Variants in CLIC5 observed in about 807,000 individuals in gnomAD.
CLIC5 encodes CLIC family member 5.
A neutral mutation model predicts 24.7 loss-of-function variants in CLIC5; 20 were observed. The ratio of observed to expected loss-of-function variants is 0.81; its 90% CI spans 0.57 to 1.18. The LOEUF is 1.18. CLIC5 is among the 50% of genes most tolerant of loss of function. CLIC5 has a pLI of 0.00. For synonymous variants in CLIC5, 159 were observed against 135.6 expected, an observed-to-expected ratio of 1.17 and a Z score of -1.20; for missense variants, 341 against 326.1, an observed-to-expected ratio of 1.05 and a Z score of -0.35.
Position 46,033,049 on chromosome 6 carries a change from C to T in CLIC5, c.540+46654G>A, listed in dbSNP as rs368764795. 1.7e-3 allele frequency among the ~76,000 whole-genome samples: 219 copies of T among 131,392 alleles called. 2 individuals carry two copies. The highest frequency in any genetic ancestry group is 5.9e-3 in the African/African-American group (201 of 33,850). The allele number at this position is 131,392 out of a possible 152,430, so 86.2% of individuals were successfully genotyped here. A position where few individuals can be genotyped will look rare whatever the true frequency, so the allele number is the denominator to read the frequency against. ...TGCCACCCAGGCTGGAGTGCAGTGG[C>T]GTGATCTTAGCTCACTGCAAACTCC... is the stretch of plus-strand genomic sequence containing the variant. On this transcript the variant is annotated intron_variant, in intron 1 of 5. Transcript: ENST00000185206.
chr6:45,881,757 T>C (rs921504118), intron 6 of CLIC5, among the ~76,000 whole-genome samples: 2 of 152,114 alleles, frequency 1.3e-5, no homozygotes, highest in Non-Finnish European at 2.9e-5. Flanking sequence ...CCAGAAGACT[T>C]TGGTGCCCTT....
At chr6:46,017,772 A>G (rs1342458222), upstream of CLIC5, among the ~76,000 whole-genome samples, 1 of 152,246 alleles carries the variant, frequency 6.6e-6, no homozygotes, top group Non-Finnish European at 1.5e-5. Flanking sequence ...TTCATGGAGC[A>G]AAAGGCACTT....
At chr6:45,998,275 G>A (rs1027840771) in intron 1 of CLIC5, among the ~76,000 whole-genome samples, 2 of 152,212 alleles carry the variant, frequency 1.3e-5, no homozygotes, top group African/African-American at 4.8e-5. Context: ...TCATAGGCAG[G>A]TGGCTATGTC....
intron 6 of CLIC5, chr6:45,892,050 T>C (rs1369514254): frequency 6.6e-6 from 1 of 152,156 alleles, no homozygotes; most frequent in Non-Finnish European, 1.5e-5. Flanking sequence ...GGAGATCAAC[T>C]CACAACATTT....
At chr6:45,982,665 C>T (rs1045195657) in intron 1 of CLIC5, among the ~76,000 whole-genome samples, 3 of 152,112 alleles carry the variant, frequency 2.0e-5, no homozygotes, top group African/African-American at 7.2e-5. Context: ...ATGGGACCAC[C>T]GTCTTCTACG....
intron 1 of CLIC5, among the ~76,000 whole-genome samples, chr6:46,033,285 C>A (rs1767563765): frequency 6.6e-6 from 1 of 151,030 alleles, no homozygotes; most frequent in Admixed American, 6.6e-5. Context: ...CCACACCCGG[C>A]CAAATCTATA....
chr6:45,918,213 A>T (rs910673379), intron 4 of CLIC5, among the ~76,000 whole-genome samples: 2 of 152,240 alleles, frequency 1.3e-5, no homozygotes, highest in Admixed American at 1.3e-4. Context: ...GGAGGAAAAA[A>T]AATCCACCCA....
chr6:46,101,103 T>C, the CLIC5 span, among the ~76,000 whole-genome samples: 3 of 152,230 alleles, frequency 2.0e-5, no homozygotes, highest in East Asian at 3.8e-4. Flanking sequence ...GGGGTCTGCA[T>C]GTACCCTGTG....
At chr6:45,941,238 G>A (rs552526204) in intron 4 of CLIC5, among the ~76,000 whole-genome samples, 5 of 152,308 alleles carry the variant, frequency 3.3e-5, no homozygotes, top group Admixed American at 1.3e-4. Flanking sequence ...AGTGAGGACC[G>A]TTCCGTGCAG....
intron 1 of CLIC5, among the ~76,000 whole-genome samples, chr6:46,008,877 C>A (rs532843488): frequency 6.6e-6 from 1 of 152,166 alleles, no homozygotes; most frequent in Non-Finnish European, 1.5e-5. Context: ...GAAGTAGCGA[C>A]TGGACCATAT....
intron 1 of CLIC5, among the ~76,000 whole-genome samples, chr6:45,975,844 G>C (rs749284684): frequency 6.6e-6 from 1 of 152,084 alleles, no homozygotes. Flanking sequence ...ATTAAAAAGT[G>C]CTTAAAAGTC....
At chr6:45,885,090 C>G (rs967279624) in intron 6 of CLIC5, among the ~76,000 whole-genome samples, 6 of 151,680 alleles carry the variant, frequency 4.0e-5, no homozygotes, top group African/African-American at 7.3e-5. Context: ...AAAAATTACC[C>G]TCCTGCAATT....
chr6:45,914,657 A>C (rs2127312067), intron 4 of CLIC5: 2 of 608,132 alleles, frequency 3.3e-6, no homozygotes, highest in Non-Finnish European at 2.2e-6. Flanking sequence ...AAAATACATA[A>C]ATATAGAAAC....
the CLIC5 span, among the ~76,000 whole-genome samples, chr6:46,108,032 C>CAAAAAAAAAAAAAAAAAAAAA: frequency 6.0e-5 from 2 of 33,308 alleles, no homozygotes; most frequent in Non-Finnish European, 1.1e-4. Flanking sequence ...AAAACTCCAT[C>CAAAAAAAAAAAAAAAAAAAAA]AAAAAAAAAA....
In CLIC5 at chr6:45,947,824, C is replaced by T. The variant is rs115583264; in HGVS notation, c.299+1432G>A. The stretch of plus-strand genomic sequence containing the variant: ...CAGAGATGTGTGTGTGTATGTGGGG[C>T]TGTCCTATTGATTTAATTAATGCAC... On this transcript the variant is annotated intron_variant, in intron 3 of 5. Transcript: ENST00000339561. Among the ~76,000 whole-genome samples the T allele has an allele frequency of 7.6e-3, 1,156 of 152,208 alleles. 18 individuals carry two copies. The highest frequency in any genetic ancestry group is 0.027 in the Admixed American group (417 of 15,290).
At chr6:45,965,248 T>TA (rs1468100208) in intron 1 of CLIC5, among the ~76,000 whole-genome samples, 3 of 152,200 alleles carry the variant, frequency 2.0e-5, no homozygotes, top group Non-Finnish European at 2.9e-5. Context: ...CATGTTTGGT[T>TA]AACTATTGGT....
At chr6:46,041,572 A>AT (rs902647022) in intron 1 of CLIC5, among the ~76,000 whole-genome samples, 11 of 152,292 alleles carry the variant, frequency 7.2e-5, no homozygotes, top group East Asian at 1.9e-4. Context: ...GAAAACAGGG[A>AT]TTTTTTTGGT....
chr6:46,088,598 C>T, the CLIC5 span, among the ~76,000 whole-genome samples: 4 of 152,074 alleles, frequency 2.6e-5, no homozygotes, highest in African/African-American at 9.7e-5. Context: ...TCCTTTTCTA[C>T]CCATAAGTAT....
intron 1 of CLIC5, among the ~76,000 whole-genome samples, chr6:45,964,248 G>A (rs953313316): frequency 3.3e-5 from 5 of 152,104 alleles, no homozygotes; most frequent in African/African-American, 1.2e-4. Context: ...AGTATTAAGG[G>A]CATTGTATAG....
Sources: allele counts gnomAD v4.1 joint callset (sites outside exome capture counted in the v4.1 genomes callset), GRCh38; gene constraint gnomAD v4.1.1; transcripts MANE v1.5; gene names NCBI Gene and HGNC (gene_info 2026-07-23, HGNC 2026-07-21).